COPS8: variants seen among roughly 807,000 people sequenced by gnomAD.
The protein encoded by COPS8 is COP9 signalosome subunit 8, also known as COP9 signalosome complex subunit 8.
A neutral mutation model predicts 31.5 loss-of-function variants in COPS8; 11 were observed. That is an observed-to-expected ratio of 0.35 (90% CI 0.22 to 0.58). The LOEUF is 0.58. Among genes scored for constraint, COPS8 ranks in the 20% least tolerant of loss-of-function variants. The pLI, the probability that COPS8 is intolerant of heterozygous loss-of-function variation, is 0.83. For missense variants in COPS8, 215 were observed against 255.1 expected, an observed-to-expected ratio of 0.84 and a Z score of 1.07; for synonymous variants, 81 against 89.3, an observed-to-expected ratio of 0.91 and a Z score of 0.52.
chr2:237,088,474 A>G (rs563155284), intron 2 of COPS8, 131 bp from the exon 3 acceptor site: 2 of 497,310 alleles, frequency 4.0e-6, no homozygotes, highest in Non-Finnish European at 7.1e-6. Flanking sequence ...AATTCATATA[A>G]AACTAAATTT....
chr2:237,094,677 C>CGT (rs983817185), intron 5 of COPS8, among the ~76,000 whole-genome samples: 9 of 152,028 alleles, frequency 5.9e-5, no homozygotes, highest in African/African-American at 2.2e-4. Context: ...ATACTGTATA[C>CGT]ACCTGGCCAG....
chr2:237,095,083 C>G (rs983521006), intron 5 of COPS8, among the ~76,000 whole-genome samples: 2 of 152,112 alleles, frequency 1.3e-5, no homozygotes, highest in Non-Finnish European at 2.9e-5. Flanking sequence ...TTTCCAGGGC[C>G]TAGCATAGTT....
At chr2:237,095,524 G>T (rs1696784184) in intron 5 of COPS8, among the ~76,000 whole-genome samples, 2 of 152,028 alleles carry the variant, frequency 1.3e-5, no homozygotes, top group South Asian at 4.1e-4. Flanking sequence ...TTTTCCTTCT[G>T]TTTGTTTTAA....
At chr2:237,092,411 C>T (rs950023321) in intron 4 of COPS8, among the ~76,000 whole-genome samples, 2 of 152,104 alleles carry the variant, frequency 1.3e-5, no homozygotes, top group Non-Finnish European at 2.9e-5. Flanking sequence ...CTTTTATCTC[C>T]TCCATTCTTA....
At chr2:237,097,224 C>CTTTTTTTTTTTT (rs996251270) in intron 7 of COPS8, among the ~76,000 whole-genome samples, 9 of 95,972 alleles carry the variant, frequency 9.4e-5, no homozygotes, top group Non-Finnish European at 1.3e-4. Flanking sequence ...TGTGGGTTTT[C>CTTTTTTTTTTTT]TTTTTTTTTT....
Position 237,100,140 on chromosome 2 carries a change from C to T in COPS8, c.*2398C>T, listed in dbSNP as rs1016634942. 1.3e-5 allele frequency: 2 copies of T among 152,032 alleles called. No homozygotes were observed. The highest frequency in any genetic ancestry group is 2.9e-5 in the Non-Finnish European group (2 of 68,010). The allele number at this position is 152,032 out of a possible 1,614,324, so 9.4% of individuals were successfully genotyped here. ...CGAATAAAGATAAAAGTTAGAAAAA[C>T]GGTACTTGCAGCCCTTAATGAAACA... is the stretch of plus-strand genomic sequence containing the variant. On this transcript the variant is annotated 3_prime_UTR_variant, in exon 8 of 8. Coordinates refer to ENST00000354371, the MANE Select transcript of COPS8 (RefSeq NM_006710.5).
At chr2:237,091,408 C>T (rs1696703984) in intron 4 of COPS8, among the ~76,000 whole-genome samples, 1 of 152,156 alleles carries the variant, frequency 6.6e-6, no homozygotes, top group African/African-American at 2.4e-5. Flanking sequence ...AATATATAAA[C>T]ATGTACCTTA....
intron 6 of COPS8, 26 bp downstream of exon 6, chr2:237,095,910 G>T: frequency 6.5e-7 from 1 of 1,535,854 alleles, no homozygotes. Context: ...ACCCATTTAC[G>T]CAGCACTGGA....
chr2:237,088,584 C>G (rs771801300), intron 2 of COPS8, 21 bp from the exon 3 acceptor site: 14 of 1,564,404 alleles, frequency 8.9e-6, no homozygotes, highest in South Asian at 1.1e-5. Flanking sequence ...GATTATTCTT[C>G]TTTGTGGTGG....
At chr2:237,090,261 C>T (rs748132236) in intron 4 of COPS8, among the ~76,000 whole-genome samples, 9 of 152,030 alleles carry the variant, frequency 5.9e-5, no homozygotes, top group Non-Finnish European at 1.0e-4. Flanking sequence ...GCTATTAAAA[C>T]GAGATCTTGT....
In COPS8 at chr2:237,086,016, G is replaced by A; in HGVS notation, c.52G>A (p.Asp18Asn). Residue 18 changes from aspartate to asparagine, a missense_variant, in exon 1 of 8, where the codon GAT becomes AAT. Coordinates refer to ENST00000354371, the MANE Select transcript of COPS8 (RefSeq NM_006710.5). ...CGCCTTTAGTTTCAAAAAGTTGCTGGATCAGTGCGAGAACCAGGAGCTCGA... is the reference window on the plus strand; with the variant it reads ...CGCCTTTAGTTTCAAAAAGTTGCTGAATCAGTGCGAGAACCAGGAGCTCGA... ...ESAFSFKKLL[D>N]QCENQELEAP... 1 of 1,613,828 alleles carries A rather than the reference G, an allele frequency of 6.2e-7. No individual in the cohort carries two copies. Among genetic ancestry groups the A allele is most frequent in the Non-Finnish European group, 8.5e-7 (1 of 1,179,802 alleles).
At position 237,094,187 on chromosome 2, in the gene COPS8, G is replaced by A; in HGVS notation, c.429G>A (p.Glu143=). 6.2e-7 allele frequency: 1 copy of A among 1,613,174 alleles called. No homozygotes were observed. Among genetic ancestry groups the A allele is most frequent in the Non-Finnish European group, 8.5e-7 (1 of 1,179,694 alleles). Residue 143 remains glutamate (E), a synonymous_variant, in exon 5 of 8, where the codon GAG becomes GAA. Transcript: ENST00000354371. ...CCTTTGTTGGACTTCCTGTAGAAGA[G>A]GCTGTGAAAGGTAATTTTGGCTTAC... ...FAAFVGLPVE[E]AVKGILEQGW... is the part of the protein sequence containing the mutation.
Position 237,096,884 on chromosome 2 carries a change from A to G in COPS8, c.550+15A>G, listed in dbSNP as rs200174555. 5 of 1,581,814 alleles carry G rather than the reference A, an allele frequency of 3.2e-6. No individual in the cohort carries two copies. The highest frequency in any genetic ancestry group is 1.7e-5 in the Admixed American group (1 of 58,860). ...TCCCTTATCAGGTATGTATTTTCATATGCACATTTTTTAATGTCTCATTGT... is the reference window on the plus strand; with the variant it reads ...TCCCTTATCAGGTATGTATTTTCATGTGCACATTTTTTAATGTCTCATTGT... On this transcript the variant is annotated intron_variant, in intron 7 of 7. Coordinates refer to ENST00000354371, the MANE Select transcript of COPS8 (RefSeq NM_006710.5).
At position 237,099,519 on chromosome 2, in the gene COPS8, TTTA is replaced by T. The variant is rs1178836023; in HGVS notation, c.*1784_*1786del. 14 of 152,326 alleles carry T rather than the reference TTTA, an allele frequency of 9.2e-5. No individual in the cohort carries two copies. The highest frequency in any genetic ancestry group is 1.4e-4 in the African/African-American group (6 of 41,564). 9.4% of individuals were successfully genotyped at this position (152,326 alleles called of 1,614,324 possible). On this transcript the variant is annotated 3_prime_UTR_variant, in exon 8 of 8. Transcript: ENST00000354371. ...AATTTCACAAAATCTTGATATCTTT[TTTA>T]TTATTAAAAGTATAGATTAAATTAA... is the stretch of plus-strand genomic sequence containing the variant.
chr2:237,099,445 C>G lies in COPS8; in HGVS notation c.*1703C>G, dbSNP rs919201398. 6.6e-6 allele frequency: 1 copy of G among 152,028 alleles called. No individual in the cohort carries two copies. The highest frequency in any genetic ancestry group is 1.5e-5 in the Non-Finnish European group (1 of 67,982). The allele number at this position is 152,028 out of a possible 1,614,324, so 9.4% of individuals were successfully genotyped here. On this transcript the variant is annotated 3_prime_UTR_variant, in exon 8 of 8. Transcript: ENST00000354371. ...TTTTACATTGTCAGTGGGATATACACTAAGGACAGAAAAAAATCTTAGACT... is the reference window on the plus strand; with the variant it reads ...TTTTACATTGTCAGTGGGATATACAGTAAGGACAGAAAAAAATCTTAGACT...
intron 4 of COPS8, chr2:237,093,837 TC>T: frequency 8.8e-7 from 1 of 1,130,424 alleles, no homozygotes; most frequent in Non-Finnish European, 1.1e-6. Context: ...GTAACCTTTT[TC>T]CATCTTTGTA....
At chr2:237,094,262 CAGTCTCCTCTGAAACACTTGGA>C in intron 5 of COPS8, 65 bp downstream of exon 5, 5 of 1,451,254 alleles carry the variant, frequency 3.4e-6, no homozygotes, top group Non-Finnish European at 4.8e-6. Flanking sequence ...TGTAGGTTCA[CAGTCTCCTCTGAAACACTTGGA>C]ACAGAATATG....
intron 3 of COPS8, 73 bp from the exon 4 acceptor site, chr2:237,089,789 A>G (rs1696675285): frequency 1.4e-6 from 2 of 1,402,466 alleles, no homozygotes. Flanking sequence ...CATTTCTGGT[A>G]TTTTGTTTTA....
chr2:237,094,810 C>G (rs969635927), intron 5 of COPS8, among the ~76,000 whole-genome samples: 9 of 151,880 alleles, frequency 5.9e-5, no homozygotes, highest in Non-Finnish European at 1.2e-4. Flanking sequence ...ACTAAAAATA[C>G]AAAAAATTAG....
Sources: gnomAD v4.1 joint callset for allele counts (sites outside exome capture counted in the v4.1 genomes callset) on GRCh38, gnomAD v4.1.1 for gene constraint, MANE v1.5 for transcripts, NCBI Gene and HGNC (gene_info 2026-07-23, HGNC 2026-07-21) for gene names.